Variants in DOCK5 observed in about 807,000 individuals in gnomAD.
DOCK5 encodes the protein dedicator of cytokinesis 5, also known as dedicator of cytokinesis protein 5.
Under a neutral mutation model 251.8 loss-of-function variants are expected in DOCK5, and 142 were observed. That is an observed-to-expected ratio of 0.56 (90% confidence interval 0.49 to 0.65). DOCK5 has a LOEUF of 0.65. DOCK5 is among the 30% of genes least tolerant of loss of function. The pLI is 0.00. For missense variants in DOCK5, 2,111 were observed against 2,312.3 expected (o/e 0.91, Z 1.79); for synonymous variants, 842 against 835.5 (o/e 1.01, Z -0.13).
intron 9 of DOCK5, among the ~76,000 whole-genome samples, chr8:25,301,658 C>A (rs1015424788): frequency 2.7e-5 from 4 of 149,596 alleles, no homozygotes; most frequent in Admixed American, 6.7e-5. Flanking sequence ...TGAGCCTAGA[C>A]GTTCAAGGCC....
rs574146150 is a variant in DOCK5 at position 25,260,175 on chromosome 8, C to T, written c.128-8670C>T. 3.8e-4 allele frequency among the ~76,000 whole-genome samples: 58 copies of T among 151,786 alleles called. 1 individual carries two copies. Among genetic ancestry groups the T allele is most frequent in the African/African-American group, 1.3e-3 (55 of 41,088 alleles). On this transcript the variant is annotated intron_variant, in intron 2 of 51. Coordinates refer to ENST00000276440, the MANE Select transcript of DOCK5 (RefSeq NM_024940.8). ...AGCTTCTATTGGAAGGACAGCTCAC[C>T]GGGGATGGGAGGACAGGATATGCCC...
chr8:25,310,906 C>T (rs546548084), intron 13 of DOCK5, among the ~76,000 whole-genome samples: 13 of 152,248 alleles, frequency 8.5e-5, no homozygotes, highest in East Asian at 1.9e-4. Flanking sequence ...CTCTCTTTTA[C>T]GCAGACTCTC....
intron 1 of DOCK5, among the ~76,000 whole-genome samples, chr8:25,227,058 G>A (rs1034382318): frequency 6.6e-6 from 1 of 152,188 alleles, no homozygotes; most frequent in Admixed American, 6.5e-5. Flanking sequence ...CCACTACAGT[G>A]TTGCAATAAA....
At chr8:25,220,009 CT>C (rs200819363) in intron 1 of DOCK5, among the ~76,000 whole-genome samples, 25 of 145,968 alleles carry the variant, frequency 1.7e-4, no homozygotes, top group Admixed American at 2.1e-4. Flanking sequence ...TTTTCTTCTT[CT>C]TTTTTTTTTG....
intron 16 of DOCK5, among the ~76,000 whole-genome samples, chr8:25,323,439 A>G (rs1805477767): frequency 6.6e-6 from 1 of 152,214 alleles, no homozygotes; most frequent in South Asian, 2.1e-4. Flanking sequence ...GGGAGAGCCT[A>G]GAGACAGAGA....
chr8:25,317,397 A>G lies in DOCK5; in HGVS notation c.1443+266A>G, dbSNP rs533417076. ...TAATGATTTTATGTGTAAGCTTCCA[A>G]TGCAGATGTTATTTATCGTTTTCAA... On this transcript the variant is annotated intron_variant, in intron 14 of 51. Transcript: ENST00000276440. 963 of 316,558 alleles carry G rather than the reference A, an allele frequency of 3.0e-3. 21 individuals are homozygous for G. The South Asian group carries it at 0.044, about 15-fold the overall frequency. The allele number at this position is 316,558 out of a possible 1,614,324, so 19.6% of individuals were successfully genotyped here.
intron 3 of DOCK5, chr8:25,270,644 G>A (rs969167320): frequency 2.6e-5 from 11 of 417,538 alleles, no homozygotes; most frequent in East Asian, 1.3e-4. Context: ...TTTTCACTGC[G>A]AAATTCAATT....
chr8:25,328,824 C>T (rs1411161513), intron 18 of DOCK5, among the ~76,000 whole-genome samples: 4 of 152,192 alleles, frequency 2.6e-5, no homozygotes, highest in South Asian at 4.1e-4. Context: ...CCCAGAGGTG[C>T]GTGGCCTTGG....
chr8:25,396,763 C>CGTGTGTGTGTGTGT lies in DOCK5; in HGVS notation c.4704+1067_4704+1080dup, dbSNP rs5890230. Among the ~76,000 whole-genome samples, 494 of 147,198 alleles carry CGTGTGTGTGTGTGT rather than the reference C, an allele frequency of 3.4e-3. 3 individuals are homozygous for CGTGTGTGTGTGTGT. Among genetic ancestry groups the CGTGTGTGTGTGTGT allele is most frequent in the South Asian group, 9.5e-3 (43 of 4,526 alleles). ...ATTAATTGGGTGGCACTCTTGTGTCCGTGTGTGTGTGTGTGTGTGTGTGTG... is the reference window on the plus strand; with the variant it reads ...ATTAATTGGGTGGCACTCTTGTGTCCGTGTGTGTGTGTGTGTGTGTGTGTGTGTGTGTGTGTGTG... On this transcript the variant is annotated intron_variant, in intron 45 of 51. Coordinates refer to ENST00000276440, the MANE Select transcript of DOCK5 (RefSeq NM_024940.8).
rs886571502 is a variant in DOCK5 at position 25,371,022 on chromosome 8, T to C, written c.3524+1381T>C. Among the ~76,000 whole-genome samples the C allele has an allele frequency of 3.3e-5, 5 of 152,290 alleles. No homozygotes were observed. The East Asian group carries it at 9.7e-4, about 29-fold the overall frequency. ...TACTCTAGACCATTGCTTTCTCATG[T>C]TCCCTGAACTTTTCTAGTGTTGACC... is the stretch of plus-strand genomic sequence containing the variant. On this transcript the variant is annotated intron_variant, in intron 34 of 51. Coordinates refer to ENST00000276440, the MANE Select transcript of DOCK5 (RefSeq NM_024940.8).
chr8:25,208,136 T>C (rs1258079165), intron 1 of DOCK5, among the ~76,000 whole-genome samples: 1 of 152,206 alleles, frequency 6.6e-6, no homozygotes, highest in Non-Finnish European at 1.5e-5. Flanking sequence ...GATGTGAGAA[T>C]TGCTGCAATC....
At chr8:25,346,737 T>C (rs968186385) in intron 26 of DOCK5, among the ~76,000 whole-genome samples, 1 of 97,476 alleles carries the variant, frequency 1.0e-5, no homozygotes, top group Non-Finnish European at 2.1e-5. Context: ...GGCAGGAGAA[T>C]CCCTTGAACC....
At chr8:25,254,793 C>A (rs7010693) in intron 2 of DOCK5, among the ~76,000 whole-genome samples, 73,655 of 76,060 alleles carry the variant, frequency 0.97, 35,646 homozygotes, top group Non-Finnish European at 0.99. Flanking sequence ...CAAAACAAAA[C>A]AAAAAAAAAA....
chr8:25,269,562 T>TA (rs1223255579), intron 3 of DOCK5, among the ~76,000 whole-genome samples: 2 of 152,238 alleles, frequency 1.3e-5, no homozygotes, highest in African/African-American at 4.8e-5. Context: ...AAAGGCACAG[T>TA]TTGAAAAATA....
intron 11 of DOCK5, among the ~76,000 whole-genome samples, chr8:25,306,128 G>A (rs1804917369): frequency 6.6e-6 from 1 of 152,022 alleles, no homozygotes; most frequent in Admixed American, 6.5e-5. Context: ...CTGGGTGACA[G>A]AGCCATACGC....
At chr8:25,268,912 T>G (rs1308949467) in intron 3 of DOCK5, 27 bp downstream of exon 3, 4 of 1,530,712 alleles carry the variant, frequency 2.6e-6, no homozygotes, top group Non-Finnish European at 3.5e-6. Flanking sequence ...ACTTTTTAAT[T>G]TCATTTGAAA....
rs1563309058 is a variant in DOCK5, at chr8:25,210,028, AT to A, written c.43+25078del. Among the ~76,000 whole-genome samples the A allele has an allele frequency of 1.5e-3, 39 of 25,808 alleles. 11 individuals are homozygous for A. The highest frequency in any genetic ancestry group is 3.5e-3 in the African/African-American group (39 of 11,214). 16.9% of individuals were successfully genotyped at this position (25,808 alleles called of 152,430 possible). A position where few individuals can be genotyped will look rare whatever the true frequency, so the allele number is the denominator to read the frequency against. On this transcript the variant is annotated intron_variant, in intron 1 of 51. Transcript: ENST00000276440. Reference sequence around the variant, plus strand: ...GCTAATTATATATATATATATATATATATATAAATGTGTGTGTGTGTGTGTG... The same window carrying A: ...GCTAATTATATATATATATATATATAATATAAATGTGTGTGTGTGTGTGTG...
intron 17 of DOCK5, among the ~76,000 whole-genome samples, chr8:25,324,877 A>G (rs1364803168): frequency 7.2e-6 from 1 of 139,782 alleles, no homozygotes; most frequent in African/African-American, 2.7e-5. Flanking sequence ...ATTCCCACCT[A>G]TGAGTGAGAA....
intron 17 of DOCK5, among the ~76,000 whole-genome samples, chr8:25,324,892 C>T (rs1456167512): frequency 4.1e-5 from 6 of 147,084 alleles, no homozygotes; most frequent in Non-Finnish European, 7.4e-5. Context: ...TGAGAACATG[C>T]GGTGTTTGGT....
Sources: allele counts gnomAD v4.1 joint callset (sites outside exome capture counted in the v4.1 genomes callset), GRCh38; gene constraint gnomAD v4.1.1; transcripts MANE v1.5; gene names NCBI Gene and HGNC (gene_info 2026-07-23, HGNC 2026-07-21).